MND1: variants seen among roughly 807,000 people sequenced by gnomAD.
The protein encoded by MND1 is meiotic nuclear divisions 1, also known as meiotic nuclear division protein 1 homolog.
In MND1, 28 loss-of-function variants were observed where a neutral mutation model predicts 35.1. The ratio of observed to expected loss-of-function variants is 0.80; its 90% CI spans 0.59 to 1.09. The LOEUF is 1.09. Among genes scored for constraint, MND1 ranks in the 50% least tolerant of loss-of-function variants. MND1 has a pLI of 0.00. For synonymous variants in MND1, 69 were observed against 70.5 expected (o/e 0.98, Z 0.11); for missense variants, 213 against 239.6 (o/e 0.89, Z 0.73).
chr4:153,395,999 A>G (rs1056745902), intron 5 of MND1, among the ~76,000 whole-genome samples: 3 of 152,118 alleles, frequency 2.0e-5, no homozygotes, highest in African/African-American at 7.2e-5. Context: ...AGCTGGTACT[A>G]CAGGCAGGCA....
intron 4 of MND1, among the ~76,000 whole-genome samples, chr4:153,389,859 A>G (rs1021721594): frequency 6.6e-6 from 1 of 152,074 alleles, no homozygotes; most frequent in African/African-American, 2.4e-5. Context: ...TGTTACTGTA[A>G]GAAAATAGAT....
intron 4 of MND1, among the ~76,000 whole-genome samples, chr4:153,371,231 C>G (rs1283073957): frequency 6.6e-6 from 1 of 152,012 alleles, no homozygotes; most frequent in Non-Finnish European, 1.5e-5. Context: ...TAGAATAATT[C>G]TTAAGGGCCC....
chr4:153,344,825 C>T (rs1171805968), intron 1 of MND1, 85 bp downstream of exon 1: 2 of 1,548,076 alleles, frequency 1.3e-6, no homozygotes, highest in East Asian at 2.5e-5. Flanking sequence ...GGATCCCGGC[C>T]TGGCGTTGAC....
chr4:153,374,014 T>C (rs1197057967), intron 4 of MND1, among the ~76,000 whole-genome samples: 2 of 152,152 alleles, frequency 1.3e-5, no homozygotes, highest in African/African-American at 4.8e-5. Flanking sequence ...TGGATGGAAA[T>C]CACAGCTTCA....
rs771493694 is a variant in MND1, at chr4:153,394,351, A to G, written c.351+15A>G. On this transcript the variant is annotated intron_variant, in intron 5 of 7. Transcript: ENST00000240488. Reference sequence around the variant, plus strand: ...GATGTGAAACGGTAAGTTTGTGTCTATAGATTATTTTAATAATGGCAATTC... The same window carrying G: ...GATGTGAAACGGTAAGTTTGTGTCTGTAGATTATTTTAATAATGGCAATTC... 5 of 1,598,250 alleles carry G rather than the reference A, an allele frequency of 3.1e-6. No homozygotes were observed. Among genetic ancestry groups the G allele is most frequent in the Non-Finnish European group, 4.3e-6 (5 of 1,170,032 alleles).
At position 153,358,635 on chromosome 4, in the gene MND1, A is replaced by G. The variant is rs1773405038; in HGVS notation, c.276+13A>G. The G allele has an allele frequency of 6.2e-7, 1 of 1,609,878 alleles. No homozygotes were observed. Among genetic ancestry groups the G allele is most frequent in the African/African-American group, 1.3e-5 (1 of 74,706 alleles). On this transcript the variant is annotated intron_variant, in intron 4 of 7. Coordinates refer to ENST00000240488, the MANE Select transcript of MND1 (RefSeq NM_032117.4). The stretch of plus-strand genomic sequence containing the variant: ...TCTGGAATCTCAGGTAAGCTGCCAC[A>G]GTTAAAAAGAATAGAGTTGCTTTAT...
At chr4:153,380,102 A>G (rs966933870) in intron 4 of MND1, among the ~76,000 whole-genome samples, 3 of 152,196 alleles carry the variant, frequency 2.0e-5, no homozygotes, top group African/African-American at 7.2e-5. Flanking sequence ...AAAACTAATT[A>G]CTGTGGACAT....
chr4:153,392,508 AT>A (rs70963173), intron 4 of MND1, among the ~76,000 whole-genome samples: 20,283 of 152,138 alleles, frequency 0.13, 1,559 homozygotes, highest in African/African-American at 0.2. Flanking sequence ...GGAGTGGAAT[AT>A]TTTTTAAGAA....
At chr4:153,408,810 C>T (rs934178512) in intron 6 of MND1, among the ~76,000 whole-genome samples, 161 bp from the exon 7 acceptor site, 5 of 145,518 alleles carry the variant, frequency 3.4e-5, no homozygotes, top group Non-Finnish European at 6.1e-5. Flanking sequence ...TATTATGTCA[C>T]TATTTCAGCT....
At chr4:153,411,652 C>T (rs1404977580) in intron 7 of MND1, among the ~76,000 whole-genome samples, 4 of 152,128 alleles carry the variant, frequency 2.6e-5, no homozygotes, top group Non-Finnish European at 5.9e-5. Flanking sequence ...CCTGTAGAGG[C>T]TGTTCAATAG....
chr4:153,349,899 G>A (rs1045380401), intron 1 of MND1, among the ~76,000 whole-genome samples, 165 bp from the exon 2 acceptor site: 7 of 152,220 alleles, frequency 4.6e-5, no homozygotes, highest in African/African-American at 1.7e-4. Context: ...ACCTACCACA[G>A]TGGTTGGCAG....
chr4:153,351,136 T>A, intron 2 of MND1, among the ~76,000 whole-genome samples: 1 of 152,162 alleles, frequency 6.6e-6, no homozygotes, highest in East Asian at 1.9e-4. Context: ...AGTTGAAATA[T>A]TTTTCCTATG....
chr4:153,360,930 C>T (rs546257181), intron 4 of MND1, among the ~76,000 whole-genome samples: 1 of 152,236 alleles, frequency 6.6e-6, no homozygotes, highest in Admixed American at 6.5e-5. Context: ...GCCTCGACCT[C>T]CCAGGCCCAA....
chr4:153,358,454 CTT>C lies in MND1; in HGVS notation c.128-18_128-17del. 1 of 1,562,516 alleles carries C rather than the reference CTT, an allele frequency of 6.4e-7. No homozygotes were observed. The highest frequency in any genetic ancestry group is 8.7e-7 in the Non-Finnish European group (1 of 1,155,736). On this transcript the variant is annotated intron_variant, in intron 3 of 7. Coordinates refer to ENST00000240488, the MANE Select transcript of MND1 (RefSeq NM_032117.4). ...TTATGGTGTTTTTCTAACATAGAGT[CTT>C]TAAAAATTGTCTCTTAGCTGCTATG...
chr4:153,394,184 C>T, intron 4 of MND1, 78 bp from the exon 5 acceptor site: 1 of 1,352,732 alleles, frequency 7.4e-7, no homozygotes, highest in South Asian at 1.2e-5. Flanking sequence ...GCCACTGCAC[C>T]TGGTGGACTT....
rs1215964336 is a variant in MND1 at position 153,350,375 on chromosome 4, A to G, written c.69+246A>G. Reference sequence around the variant, plus strand: ...CTGGCACCAGAATCTTCTGATGCATATATTTGATTATCTCCTCTTTCTGCC... The same window carrying G: ...CTGGCACCAGAATCTTCTGATGCATGTATTTGATTATCTCCTCTTTCTGCC... On this transcript the variant is annotated intron_variant, in intron 2 of 7. Coordinates refer to ENST00000240488, the MANE Select transcript of MND1 (RefSeq NM_032117.4). Among the ~76,000 whole-genome samples, 6 of 152,160 alleles carry G rather than the reference A, an allele frequency of 3.9e-5. No individual in the cohort carries two copies. The East Asian group carries it at 1.2e-3, about 29-fold the overall frequency.
intron 4 of MND1, among the ~76,000 whole-genome samples, chr4:153,383,772 G>A (rs965479967): frequency 2.6e-5 from 4 of 152,218 alleles, no homozygotes; most frequent in African/African-American, 9.7e-5. Context: ...CATTTCATTG[G>A]ACAAAACTTA....
Position 153,400,560 on chromosome 4 carries a change from G to A in MND1, c.466+3227G>A, listed in dbSNP as rs1322704628. ...AAATTAGCTGGTCATGCTGGCATGC[G>A]CTTTATTCAAGTTTTCTTCCTCCAG... On this transcript the variant is annotated intron_variant, in intron 6 of 7. Coordinates refer to ENST00000240488, the MANE Select transcript of MND1 (RefSeq NM_032117.4). Among the ~76,000 whole-genome samples, 7 of 152,112 alleles carry A rather than the reference G, an allele frequency of 4.6e-5. No homozygotes were observed. The South Asian group carries it at 8.3e-4, about 18-fold the overall frequency.
At chr4:153,377,810 C>T (rs1728553460) in intron 4 of MND1, among the ~76,000 whole-genome samples, 1 of 152,210 alleles carries the variant, frequency 6.6e-6, no homozygotes, top group African/African-American at 2.4e-5. Context: ...CCGCCATTTA[C>T]ATGCTGTGCC....
Sources: allele counts gnomAD v4.1 joint callset (sites outside exome capture counted in the v4.1 genomes callset), GRCh38; gene constraint gnomAD v4.1.1; transcripts MANE v1.5; gene names NCBI Gene and HGNC (gene_info 2026-07-23, HGNC 2026-07-21).